The following ARMH4 variants were observed in gnomAD, a reference collection of about 807,000 sequenced individuals.
ARMH4 encodes the protein armadillo-like helical domain-containing protein 4.
ARMH4 carries 49 observed loss-of-function variants against 61.9 expected under a neutral mutation model. The ratio of observed to expected loss-of-function variants is 0.79; its 90% confidence interval spans 0.63 to 1.00. The LOEUF (loss-of-function observed/expected upper bound fraction) is 1.00, where lower values mean the gene tolerates loss of function less well. Ranked by LOEUF, ARMH4 falls within the 50% of genes least tolerant of loss-of-function variation. ARMH4 has a pLI of 0.00. For synonymous variants in ARMH4, 368 were observed against 341.5 expected (o/e 1.08, Z -0.85); for missense variants, 934 against 930.0 (o/e 1.00, Z -0.06).
At chr14:58,067,133 T>G (rs1405921109) in intron 5 of ARMH4, among the ~76,000 whole-genome samples, 1 of 152,250 alleles carries the variant, frequency 6.6e-6, no homozygotes, top group Admixed American at 6.5e-5. Flanking sequence ...TGGGGTTTCT[T>G]CATCTTTTAT....
intron 4 of ARMH4, among the ~76,000 whole-genome samples, chr14:58,127,452 T>C (rs1189192725): frequency 1.3e-5 from 2 of 152,204 alleles, no homozygotes; most frequent in Non-Finnish European, 2.9e-5. Context: ...TTCGCCATGA[T>C]TGTGAGGCCT....
At chr14:58,079,934 G>T (rs1037508172) in intron 5 of ARMH4, among the ~76,000 whole-genome samples, 1 of 152,020 alleles carries the variant, frequency 6.6e-6, no homozygotes, top group Non-Finnish European at 1.5e-5. Context: ...CTATAGAAAT[G>T]ATCTATCTGA....
At chr14:58,021,927 G>C (rs968687744) in intron 5 of ARMH4, among the ~76,000 whole-genome samples, 1 of 152,136 alleles carries the variant, frequency 6.6e-6, no homozygotes, top group Admixed American at 6.5e-5. Context: ...CAACCAAGGA[G>C]GGCTGCAAGT....
intron 5 of ARMH4, among the ~76,000 whole-genome samples, chr14:58,054,320 C>T (rs1884245793): frequency 2.0e-5 from 3 of 152,326 alleles, no homozygotes; most frequent in South Asian, 2.1e-4. Flanking sequence ...GGCATTACCA[C>T]GGCCACTTTC....
chr14:58,090,390 G>T (rs1401648593), intron 5 of ARMH4, among the ~76,000 whole-genome samples: 2 of 152,110 alleles, frequency 1.3e-5, no homozygotes, highest in Non-Finnish European at 2.9e-5. Context: ...AACAAGAGAA[G>T]AAAATAGAAC....
intron 5 of ARMH4, among the ~76,000 whole-genome samples, chr14:58,069,562 C>T (rs1185178356): frequency 6.6e-6 from 1 of 152,098 alleles, no homozygotes. Context: ...ACATAGAGAT[C>T]TGGATATGCA....
chr14:58,106,065 C>T (rs1276257369), intron 4 of ARMH4, among the ~76,000 whole-genome samples: 1 of 152,220 alleles, frequency 6.6e-6, no homozygotes, highest in Non-Finnish European at 1.5e-5. Flanking sequence ...ACAAACTGCA[C>T]TGTTCCCACT....
intron 1 of ARMH4, among the ~76,000 whole-genome samples, chr14:58,147,471 C>T (rs988039639): frequency 3.9e-5 from 6 of 152,218 alleles, no homozygotes; most frequent in African/African-American, 9.6e-5. Context: ...CACGCCACCA[C>T]GCCCAGCTAG....
intron 4 of ARMH4, among the ~76,000 whole-genome samples, chr14:58,110,636 T>C (rs1886324615): frequency 1.3e-5 from 2 of 152,228 alleles, no homozygotes; most frequent in Admixed American, 6.5e-5. Flanking sequence ...GGGCAATTTA[T>C]CTTTTTCATT....
chr14:58,081,973 A>T (rs927167929), intron 5 of ARMH4, among the ~76,000 whole-genome samples: 1 of 152,162 alleles, frequency 6.6e-6, no homozygotes, highest in Non-Finnish European at 1.5e-5. Context: ...ATGCTAAAAT[A>T]TAGGCAGGAT....
At chr14:58,006,049 G>A (rs1474955210) in intron 6 of ARMH4, among the ~76,000 whole-genome samples, 1 of 152,142 alleles carries the variant, frequency 6.6e-6, no homozygotes, top group Non-Finnish European at 1.5e-5. Context: ...TGTCACTATG[G>A]ATACCTTTAT....
At chr14:58,008,970 G>C (rs1882285970) in intron 6 of ARMH4, among the ~76,000 whole-genome samples, 1 of 152,234 alleles carries the variant, frequency 6.6e-6, no homozygotes, top group Non-Finnish European at 1.5e-5. Context: ...TAGATGCTGA[G>C]AAGATATACT....
chr14:58,030,211 T>C (rs914167470), intron 5 of ARMH4, among the ~76,000 whole-genome samples: 6 of 152,170 alleles, frequency 3.9e-5, no homozygotes, highest in Non-Finnish European at 8.8e-5. Context: ...CATATTCCAT[T>C]CACCCATACT....
At chr14:58,009,130 G>A (rs1415169724) in intron 6 of ARMH4, among the ~76,000 whole-genome samples, 2 of 152,014 alleles carry the variant, frequency 1.3e-5, no homozygotes, top group Non-Finnish European at 1.5e-5. Flanking sequence ...TTTGGGACTG[G>A]GCACAAAATA....
At chr14:58,075,289 T>C (rs1885010831) in intron 5 of ARMH4, among the ~76,000 whole-genome samples, 1 of 152,114 alleles carries the variant, frequency 6.6e-6, no homozygotes, top group South Asian at 2.1e-4. Flanking sequence ...CATTCTACCA[T>C]AAAGACTCAT....
chr14:58,132,463 C>CT (rs1382151827), intron 3 of ARMH4, among the ~76,000 whole-genome samples: 2 of 151,900 alleles, frequency 1.3e-5, no homozygotes, highest in African/African-American at 2.4e-5. Flanking sequence ...TCACCTCATC[C>CT]CCCCCGGCTC....
intron 5 of ARMH4, among the ~76,000 whole-genome samples, chr14:58,025,769 T>C (rs1227148775): frequency 1.3e-5 from 2 of 152,150 alleles, no homozygotes; most frequent in African/African-American, 4.8e-5. Flanking sequence ...ATTTACCTGC[T>C]TCAAAATCAC....
chr14:58,027,358 G>A (rs1199421269), intron 5 of ARMH4, among the ~76,000 whole-genome samples: 3 of 152,168 alleles, frequency 2.0e-5, no homozygotes, highest in African/African-American at 7.2e-5. Flanking sequence ...ACCCTGAGTT[G>A]GTAATGGCTA....
At position 58,129,574 on chromosome 14, in the gene ARMH4, T is replaced by C. The variant is rs371255386; in HGVS notation, c.1831+1938A>G. ...TTAAAATGTTTCACCCAGTCAAAGCTTCAAGCTGCACTTATATTCCCGGGC... is the reference window on the plus strand; with the variant it reads ...TTAAAATGTTTCACCCAGTCAAAGCCTCAAGCTGCACTTATATTCCCGGGC... On this transcript the variant is annotated intron_variant, in intron 4 of 7. Coordinates refer to ENST00000267485, the MANE Select transcript of ARMH4 (RefSeq NM_001001872.4). Among the ~76,000 whole-genome samples, 15 of 152,334 alleles carry C rather than the reference T, an allele frequency of 9.8e-5. 1 individual carries two copies. The South Asian group carries it at 2.7e-3, about 27-fold the overall frequency.
Sources: allele counts gnomAD v4.1 joint callset (sites outside exome capture counted in the v4.1 genomes callset), GRCh38; gene constraint gnomAD v4.1.1; transcripts MANE v1.5; gene names NCBI Gene and HGNC (gene_info 2026-07-23, HGNC 2026-07-21).